Variants in LOC128125817 observed in about 807,000 individuals in gnomAD.
the LOC128125817 span, among the ~76,000 whole-genome samples, chr1:41,615,814 T>C: frequency 8.7e-6 from 1 of 114,594 alleles, no homozygotes; most frequent in South Asian, 2.8e-4. Flanking sequence ...ATTTGACAAG[T>C]CTTTTTTTTT....
chr1:41,620,698 C>T, the LOC128125817 span, among the ~76,000 whole-genome samples: 1 of 152,196 alleles, frequency 6.6e-6, no homozygotes, highest in Non-Finnish European at 1.5e-5. Context: ...TTTCACCCCT[C>T]TGTCTCTGGT....
the LOC128125817 span, among the ~76,000 whole-genome samples, chr1:41,626,104 G>C: frequency 2.0e-5 from 3 of 152,210 alleles, no homozygotes; most frequent in Non-Finnish European, 4.4e-5. Flanking sequence ...AAGAGTGGCT[G>C]TGACTCCATG....
chr1:41,604,377 A>C, the LOC128125817 span, among the ~76,000 whole-genome samples: 5 of 152,272 alleles, frequency 3.3e-5, no homozygotes, highest in Admixed American at 3.3e-4. Flanking sequence ...AGACAAAAAT[A>C]TATATCTTAC....
At chr1:41,601,107 G>A in the LOC128125817 span, among the ~76,000 whole-genome samples, 2 of 152,052 alleles carry the variant, frequency 1.3e-5, no homozygotes, top group Non-Finnish European at 2.9e-5. Flanking sequence ...TGTTTCATTG[G>A]TCTACATGTC....
chr1:41,599,511 T>C, the LOC128125817 span, among the ~76,000 whole-genome samples: 1 of 152,278 alleles, frequency 6.6e-6, no homozygotes, highest in Admixed American at 6.5e-5. Context: ...TTGCAACACA[T>C]GTTTGAAAAC....
chr1:41,616,977 G>GC, the LOC128125817 span, among the ~76,000 whole-genome samples: 2 of 152,148 alleles, frequency 1.3e-5, no homozygotes, highest in Non-Finnish European at 2.9e-5. Context: ...AGTGTGAATG[G>GC]CCAGAGGGTC....
chr1:41,599,228 C>T, the LOC128125817 span, among the ~76,000 whole-genome samples: 3 of 152,040 alleles, frequency 2.0e-5, no homozygotes, highest in African/African-American at 4.8e-5. Flanking sequence ...CCTTGACCCC[C>T]GATATCATAC....
the LOC128125817 span, among the ~76,000 whole-genome samples, chr1:41,588,564 C>A: frequency 6.6e-6 from 1 of 152,118 alleles, no homozygotes; most frequent in African/African-American, 2.4e-5. Flanking sequence ...CAGATGACTG[C>A]TGCATCATCA....
chr1:41,610,165 G>C, the LOC128125817 span, among the ~76,000 whole-genome samples: 2 of 152,054 alleles, frequency 1.3e-5, no homozygotes, highest in Admixed American at 1.3e-4. Flanking sequence ...CTCTCTCTCT[G>C]TATACACACA....
the LOC128125817 span, among the ~76,000 whole-genome samples, chr1:41,594,202 T>A: frequency 6.6e-6 from 1 of 152,208 alleles, no homozygotes; most frequent in South Asian, 2.1e-4. Context: ...CACAAAGATA[T>A]CTTACGTTTC....
chr1:41,612,271 C>T, the LOC128125817 span, among the ~76,000 whole-genome samples: 1 of 152,210 alleles, frequency 6.6e-6, no homozygotes, highest in Non-Finnish European at 1.5e-5. Flanking sequence ...CCCATTCTGC[C>T]TTCCCCTGGC....
At chr1:41,622,489 C>A in the LOC128125817 span, among the ~76,000 whole-genome samples, 1 of 152,174 alleles carries the variant, frequency 6.6e-6, no homozygotes, top group Non-Finnish European at 1.5e-5. Context: ...GTTGGCAAAT[C>A]CAGCCGGCTG....
chr1:41,622,672 G>A, the LOC128125817 span, among the ~76,000 whole-genome samples: 3 of 152,322 alleles, frequency 2.0e-5, no homozygotes, highest in East Asian at 3.9e-4. Flanking sequence ...TGCCATAGAC[G>A]CTGGAAGCTA....
chr1:41,613,560 C>A, the LOC128125817 span, among the ~76,000 whole-genome samples: 87,324 of 151,536 alleles, frequency 0.58, 25,257 homozygotes, highest in African/African-American at 0.6. Flanking sequence ...TAATAGTTTG[C>A]AGAAGTCACT....
the LOC128125817 span, among the ~76,000 whole-genome samples, chr1:41,614,609 T>G: frequency 1.3e-5 from 2 of 152,220 alleles, no homozygotes; most frequent in Admixed American, 6.5e-5. Flanking sequence ...CTTGATTTAT[T>G]CCACAGTAGA....
chr1:41,621,022 C>A, the LOC128125817 span, among the ~76,000 whole-genome samples: 1 of 152,182 alleles, frequency 6.6e-6, no homozygotes, highest in African/African-American at 2.4e-5. Flanking sequence ...ACAGTGTGAC[C>A]CTGGGCAAGT....
At chr1:41,615,521 A>G in the LOC128125817 span, among the ~76,000 whole-genome samples, 6 of 152,250 alleles carry the variant, frequency 3.9e-5, no homozygotes, top group South Asian at 1.2e-3. Flanking sequence ...CAAGACCACA[A>G]GGCCAGTGAC....
At chr1:41,626,654 C>G in the LOC128125817 span, among the ~76,000 whole-genome samples, 351 of 152,286 alleles carry the variant, frequency 2.3e-3, 1 homozygote, top group South Asian at 5.0e-3. Context: ...AACCCAGATC[C>G]TGTCCTGAGA....
the LOC128125817 span, among the ~76,000 whole-genome samples, chr1:41,627,950 G>A: frequency 6.6e-6 from 1 of 150,516 alleles, no homozygotes; most frequent in East Asian, 2.0e-4. Flanking sequence ...CCAGCTCTCT[G>A]GGTGATTCTG....
Sources: allele counts gnomAD v4.1 joint callset (sites outside exome capture counted in the v4.1 genomes callset), GRCh38; gene constraint gnomAD v4.1.1; transcripts MANE v1.5.